LNX1: variants seen among roughly 807,000 people sequenced by gnomAD.
LNX1 encodes the protein E3 ubiquitin-protein ligase LNX.
LNX1 carries 54 observed loss-of-function variants against 68.4 expected under a neutral mutation model. That is an observed-to-expected ratio of 0.79 (90% CI 0.63 to 0.99). The LOEUF (loss-of-function observed/expected upper bound fraction) is 0.99, where lower values mean the gene tolerates loss of function less well. Among genes scored for constraint, LNX1 ranks in the 50% least tolerant of loss-of-function variants. The pLI, the probability that LNX1 is intolerant of heterozygous loss-of-function variation, is 0.00. For missense variants in LNX1, 906 were observed against 926.4 expected (o/e 0.98, Z 0.29); for synonymous variants, 336 against 350.0 (o/e 0.96, Z 0.45).
chr4:53,469,502 G>C (rs1722981639), intron 9 of LNX1, among the ~76,000 whole-genome samples: 1 of 152,148 alleles, frequency 6.6e-6, no homozygotes, highest in Non-Finnish European at 1.5e-5. Flanking sequence ...GAGCAGAACT[G>C]AAGAAAATAG....
At chr4:53,480,713 T>C (rs1723854838) in intron 7 of LNX1, among the ~76,000 whole-genome samples, 1 of 152,162 alleles carries the variant, frequency 6.6e-6, no homozygotes, top group Admixed American at 6.5e-5. Context: ...TTGTAGGCTA[T>C]GTAATTAACA....
chr4:53,643,150 T>TC (rs1734750222), intron 1 of LNX1, among the ~76,000 whole-genome samples: 1 of 151,916 alleles, frequency 6.6e-6, no homozygotes, highest in African/African-American at 2.4e-5. Flanking sequence ...GAAATCTTGG[T>TC]CTTTTTTTTT....
intron 2 of LNX1, among the ~76,000 whole-genome samples, chr4:53,609,099 A>G (rs893610837): frequency 1.3e-5 from 2 of 152,162 alleles, no homozygotes; most frequent in Non-Finnish European, 2.9e-5. Flanking sequence ...ACCAGAAATA[A>G]TGCTTCACTC....
At chr4:53,576,848 G>T (rs1386117694) in intron 1 of LNX1, among the ~76,000 whole-genome samples, 1 of 152,150 alleles carries the variant, frequency 6.6e-6, no homozygotes, top group Non-Finnish European at 1.5e-5. Flanking sequence ...GAGGTTGTTT[G>T]TGCAAACATA....
At chr4:53,631,260 G>C (rs1365588052) in intron 1 of LNX1, among the ~76,000 whole-genome samples, 1 of 152,150 alleles carries the variant, frequency 6.6e-6, no homozygotes, top group Non-Finnish European at 1.5e-5. Context: ...TCTTTGGACT[G>C]AGTAAATTAA....
At chr4:53,651,388 G>A (rs1263616044) in intron 1 of LNX1, among the ~76,000 whole-genome samples, 1 of 152,192 alleles carries the variant, frequency 6.6e-6, no homozygotes, top group Non-Finnish European at 1.5e-5. Context: ...AGGGAACATA[G>A]TTTATCGACA....
chr4:53,640,245 G>A (rs1306675505), intron 1 of LNX1, among the ~76,000 whole-genome samples: 1 of 152,134 alleles, frequency 6.6e-6, no homozygotes, highest in East Asian at 1.9e-4. Context: ...AGGAAGGCGA[G>A]GAAGCACTGC....
At chr4:53,643,293 G>T (rs975764163) in intron 1 of LNX1, among the ~76,000 whole-genome samples, 26 of 152,024 alleles carry the variant, frequency 1.7e-4, no homozygotes, top group African/African-American at 6.3e-4. Context: ...TGGGACCACA[G>T]ACGCATGCCA....
intron 2 of LNX1, among the ~76,000 whole-genome samples, chr4:53,609,490 T>C (rs1186518895): frequency 1.3e-5 from 2 of 149,686 alleles, no homozygotes; most frequent in East Asian, 3.9e-4. Context: ...AAAAAAGGAA[T>C]TGACATATTT....
At chr4:53,617,328 A>G (rs567882171) in exon 1 of LNX1, 32 of 152,322 alleles carry the variant, frequency 2.1e-4, no homozygotes, top group Admixed American at 2.1e-3. Flanking sequence ...TCATTTTTGA[A>G]GGTCACAGCA....
intron 2 of LNX1, among the ~76,000 whole-genome samples, chr4:53,563,492 A>G (rs1455372488): frequency 6.6e-6 from 1 of 151,896 alleles, no homozygotes; most frequent in African/African-American, 2.4e-5. Context: ...ACAGACCCAA[A>G]GGCCAAGAGA....
intron 2 of LNX1, among the ~76,000 whole-genome samples, chr4:53,564,532 A>C (rs758440004): frequency 6.6e-6 from 1 of 152,144 alleles, no homozygotes; most frequent in Non-Finnish European, 1.5e-5. Flanking sequence ...TGGGCAGAAT[A>C]ATTATTCCCC....
intron 1 of LNX1, chr4:53,575,695 CAAG>C: frequency 7.2e-7 from 1 of 1,396,940 alleles, no homozygotes. Context: ...GCTGGCTAAT[CAAG>C]GAGGAAGCAG....
intron 2 of LNX1, among the ~76,000 whole-genome samples, chr4:53,559,857 CCTCT>C (rs34425559): frequency 0.12 from 17,555 of 151,750 alleles, 1,139 homozygotes; most frequent in East Asian, 0.31. Context: ...GATGAGGGTC[CCTCT>C]ATGTTGCCCA....
At chr4:53,559,410 G>A (rs1730126498) in intron 2 of LNX1, among the ~76,000 whole-genome samples, 1 of 152,216 alleles carries the variant, frequency 6.6e-6, no homozygotes. Context: ...GTAGAAAGAA[G>A]TTAGGTTTGA....
At chr4:53,556,725 C>A (rs1729939392) in intron 2 of LNX1, among the ~76,000 whole-genome samples, 1 of 152,186 alleles carries the variant, frequency 6.6e-6, no homozygotes, top group African/African-American at 2.4e-5. Context: ...AAATGCAGAA[C>A]AAATGATCAC....
At chr4:53,518,434 CAG>C (rs1726957183) in intron 2 of LNX1, among the ~76,000 whole-genome samples, 1 of 152,186 alleles carries the variant, frequency 6.6e-6, no homozygotes, top group African/African-American at 2.4e-5. Flanking sequence ...TATCGGTTTA[CAG>C]AGTTAGTGTC....
intron 4 of LNX1, 79 bp from the exon 5 acceptor site, chr4:53,498,922 G>T: frequency 9.5e-7 from 1 of 1,057,602 alleles, no homozygotes; most frequent in Non-Finnish European, 1.5e-6. Context: ...AAACTTCAGT[G>T]TCAGCCAAAC....
chr4:53,533,558 C>T (rs1422952796), intron 2 of LNX1, among the ~76,000 whole-genome samples: 1 of 152,148 alleles, frequency 6.6e-6, no homozygotes, highest in Non-Finnish European at 1.5e-5. Context: ...GCCATCACAC[C>T]TGGCTAATTT....
Sources: gnomAD v4.1 joint callset for allele counts (sites outside exome capture counted in the v4.1 genomes callset) on GRCh38, gnomAD v4.1.1 for gene constraint, MANE v1.5 for transcripts, NCBI Gene and HGNC (gene_info 2026-07-23, HGNC 2026-07-21) for gene names.